The following AFG1L variants were observed in gnomAD, a reference collection of about 807,000 sequenced individuals.
AFG1L encodes the protein AFG1 like ATPase.
Under a neutral mutation model 62.2 loss-of-function variants are expected in AFG1L, and 53 were observed. The ratio of observed to expected loss-of-function variants is 0.85; its 90% CI spans 0.68 to 1.07. The LOEUF (loss-of-function observed/expected upper bound fraction) is 1.07. Among genes scored for constraint, AFG1L ranks in the 50% least tolerant of loss-of-function variants. The probability of loss-of-function intolerance (pLI) is 0.00; values close to 1 mark genes in which losing one functional copy is unlikely to be tolerated. For missense variants in AFG1L, 555 were observed against 590.5 expected, an observed-to-expected ratio of 0.94 and a Z score of 0.62; for synonymous variants, 228 against 210.3, an observed-to-expected ratio of 1.08 and a Z score of -0.73.
intron 6 of AFG1L, among the ~76,000 whole-genome samples, chr6:108,372,532 G>T (rs1028870462): frequency 5.3e-5 from 8 of 152,026 alleles, no homozygotes; most frequent in African/African-American, 1.9e-4. Flanking sequence ...GTTTCACTAT[G>T]TTGGCCAGGC....
intron 1 of AFG1L, among the ~76,000 whole-genome samples, chr6:108,314,557 C>T (rs1400978104): frequency 1.3e-5 from 2 of 151,964 alleles, no homozygotes; most frequent in African/African-American, 2.4e-5. Context: ...CTGCCATGCC[C>T]GGCTAATTTC....
intron 6 of AFG1L, among the ~76,000 whole-genome samples, chr6:108,385,362 G>A (rs974909964): frequency 5.3e-5 from 8 of 152,226 alleles, no homozygotes; most frequent in African/African-American, 1.4e-4. Context: ...GCGGAAAACC[G>A]CTTAAGGCGT....
Position 108,513,014 on chromosome 6 carries a change from A to G in AFG1L, c.1203+2662A>G, listed in dbSNP as rs551925277. On this transcript the variant is annotated intron_variant, in intron 11 of 12. Coordinates refer to ENST00000368977, the MANE Select transcript of AFG1L (RefSeq NM_145315.5). ...ATGGAAAATCTAGTGTCGAATGTCA[A>G]CACATGATTTTTAAGTACTGGTGTA... 3.3e-5 allele frequency among the ~76,000 whole-genome samples: 5 copies of G among 152,356 alleles called. No individual in the cohort carries two copies. In the East Asian group the frequency reaches 9.6e-4, roughly 29 times the overall value.
chr6:108,404,033 T>C (rs1342380108), intron 7 of AFG1L, among the ~76,000 whole-genome samples: 2 of 152,180 alleles, frequency 1.3e-5, no homozygotes, highest in Non-Finnish European at 2.9e-5. Flanking sequence ...TTTTCGTATA[T>C]GACAAAACAT....
intron 6 of AFG1L, among the ~76,000 whole-genome samples, chr6:108,370,807 T>TC (rs1372461377): frequency 6.6e-6 from 1 of 152,204 alleles, no homozygotes; most frequent in Non-Finnish European, 1.5e-5. Flanking sequence ...TTTCTTTTTT[T>TC]CCTCTCTCTA....
chr6:108,519,477 A>G (rs1336355793), intron 11 of AFG1L, among the ~76,000 whole-genome samples: 3 of 152,176 alleles, frequency 2.0e-5, no homozygotes, highest in African/African-American at 7.2e-5. Context: ...CCTACTTCAC[A>G]GGGTGGTATG....
At position 108,523,509 on chromosome 6, in the gene AFG1L, TATAAA is replaced by T. The variant is rs1336806670; in HGVS notation, c.*1087_*1091del. 6.6e-6 allele frequency: 1 copy of T among 152,052 alleles called. No homozygotes were observed. The highest frequency in any genetic ancestry group is 6.5e-5 in the Admixed American group (1 of 15,276). 9.4% of individuals were successfully genotyped at this position (152,052 alleles called of 1,614,324 possible). On this transcript the variant is annotated 3_prime_UTR_variant, in exon 13 of 13. Transcript: ENST00000368977. ...GGATGAGTGTGAAAAACAGAAAAAA[TATAAA>T]ATCCACAAAATCTTGTGAAAATTAA...
At position 108,323,887 on chromosome 6, in the gene AFG1L, G is replaced by A; in HGVS notation, c.202G>A (p.Ala68Thr). 6.2e-7 allele frequency: 1 copy of A among 1,614,176 alleles called. No individual in the cohort carries two copies. The highest frequency in any genetic ancestry group is 1.6e-4 in the Middle Eastern group (1 of 6,062). Residue 68 changes from alanine (A) to threonine (T), a missense_variant, in exon 2 of 13, where the codon GCT (alanine) becomes ACT (threonine). Transcript: ENST00000368977. Reference sequence around the variant, plus strand: ...TGCCACTTCAGAGACTTATTTGAAAGCTTTGGCCGTTTGCCATGGACCTCT... The same window carrying A: ...TGCCACTTCAGAGACTTATTTGAAAACTTTGGCCGTTTGCCATGGACCTCT... The part of the protein sequence containing the change: ...PTATSETYLK[A>T]LAVCHGPLDH...
At chr6:108,364,600 G>A (rs925811825) in intron 5 of AFG1L, among the ~76,000 whole-genome samples, 6 of 152,036 alleles carry the variant, frequency 3.9e-5, no homozygotes, top group Non-Finnish European at 5.9e-5. Context: ...CAGTGTATTG[G>A]CAATGTAATT....
intron 11 of AFG1L, among the ~76,000 whole-genome samples, chr6:108,516,555 G>A (rs529049153): frequency 2.6e-5 from 4 of 152,230 alleles, no homozygotes; most frequent in East Asian, 3.9e-4. Flanking sequence ...ATACTGAATG[G>A]GCAAAAACTG....
At chr6:108,353,153 A>ATTT (rs35734578) in intron 3 of AFG1L, among the ~76,000 whole-genome samples, 1 of 121,020 alleles carries the variant, frequency 8.3e-6, no homozygotes. Flanking sequence ...ACAATGTTTA[A>ATTT]TTTTTTTTTT....
intron 2 of AFG1L, among the ~76,000 whole-genome samples, chr6:108,336,287 G>A (rs1778473509): frequency 6.6e-6 from 1 of 152,124 alleles, no homozygotes; most frequent in South Asian, 2.1e-4. Context: ...TGGGGGGAAT[G>A]GAGAGAAACA....
intron 3 of AFG1L, among the ~76,000 whole-genome samples, chr6:108,348,627 G>C (rs1778959811): frequency 6.6e-6 from 1 of 152,150 alleles, no homozygotes; most frequent in South Asian, 2.1e-4. Flanking sequence ...TTGGCTAATT[G>C]GTACTTTTGA....
At chr6:108,381,950 A>G (rs561852462) in intron 6 of AFG1L, among the ~76,000 whole-genome samples, 13 of 151,982 alleles carry the variant, frequency 8.6e-5, no homozygotes, top group Admixed American at 6.6e-4. Flanking sequence ...GACTGACCCT[A>G]GAACTGTAAG....
chr6:108,356,076 T>C (rs1779276287), intron 4 of AFG1L, among the ~76,000 whole-genome samples: 1 of 152,254 alleles, frequency 6.6e-6, no homozygotes, highest in Non-Finnish European at 1.5e-5. Context: ...GGCCCTTTAC[T>C]CTGTGTTACC....
chr6:108,323,849 G>A lies in AFG1L; in HGVS notation c.164G>A (p.Ser55Asn), dbSNP rs548447273. The stretch of plus-strand genomic sequence containing the variant: ...GCCTATACGGTTCAGACATCCGAGA[G>A]CATGACCCCAACTGCCACTTCAGAG... ...WKAYTVQTSESMTPTATSETY... is the reference protein window; with the variant it reads ...WKAYTVQTSENMTPTATSETY... The change falls in exon 2 of 13, where the codon AGC becomes AAC. Residue 55 changes from serine to asparagine, a missense_variant. Ser to Asn is a conservative substitution (Grantham distance 46, BLOSUM62 1). Transcript: ENST00000368977. The A allele has an allele frequency of 2.3e-5, 37 of 1,614,056 alleles. No homozygotes were observed. Among genetic ancestry groups the A allele is most frequent in the African/African-American group, 1.3e-4 (10 of 75,016 alleles).
In AFG1L at chr6:108,323,863, G is replaced by C. The variant is rs536646165; in HGVS notation, c.178G>C (p.Ala60Pro). The change falls in exon 2 of 13, where the codon GCC becomes CCC. Residue 60 changes from alanine (A) to proline (P), a missense_variant. Coordinates refer to ENST00000368977, the MANE Select transcript of AFG1L (RefSeq NM_145315.5). Reference protein sequence around the residue: ...VQTSESMTPTATSETYLKALA... With the variant: ...VQTSESMTPTPTSETYLKALA... ...GACATCCGAGAGCATGACCCCAACT[G>C]CCACTTCAGAGACTTATTTGAAAGC... is the stretch of plus-strand genomic sequence containing the variant. The C allele has an allele frequency of 9.9e-6, 16 of 1,614,004 alleles. No individual in the cohort carries two copies. The East Asian group carries it at 3.1e-4, about 31-fold the overall frequency.
intron 6 of AFG1L, among the ~76,000 whole-genome samples, chr6:108,376,676 T>C (rs1780261779): frequency 6.6e-6 from 1 of 152,204 alleles, no homozygotes; most frequent in African/African-American, 2.4e-5. Context: ...AGACTTGCTT[T>C]ATGATTGAGC....
chr6:108,357,527 C>T (rs996933450), intron 5 of AFG1L, among the ~76,000 whole-genome samples: 3 of 152,118 alleles, frequency 2.0e-5, no homozygotes, highest in African/African-American at 4.8e-5. Context: ...AAATTTTGGT[C>T]GATGACTGTA....
Sources: allele counts gnomAD v4.1 joint callset (sites outside exome capture counted in the v4.1 genomes callset), GRCh38; gene constraint gnomAD v4.1.1; transcripts MANE v1.5; gene names NCBI Gene and HGNC (gene_info 2026-07-23, HGNC 2026-07-21).